The following BTN2A1 variants were observed in gnomAD, a reference collection of about 807,000 sequenced individuals.
BTN2A1 encodes butyrophilin subfamily 2 member A1, also known as butyrophilin, subfamily 2, member A1.
BTN2A1 carries 41 observed loss-of-function variants against 34.5 expected under a neutral mutation model. The observed-to-expected ratio is 1.19, with a 90% confidence interval of 0.93 to 1.54. BTN2A1 has a LOEUF of 1.54. Among genes scored for constraint, BTN2A1 ranks in the 40% most tolerant of loss-of-function variants. The pLI, the probability that BTN2A1 is intolerant of heterozygous loss-of-function variation, is 0.00. For synonymous variants in BTN2A1, 267 were observed against 258.6 expected (o/e 1.03, Z -0.31); for missense variants, 642 against 662.0 (o/e 0.97, Z 0.33).
rs151009559 is a variant in BTN2A1 at position 26,463,021 on chromosome 6, C to G, written c.431-223C>G. 5.9e-4 allele frequency: 555 copies of G among 933,244 alleles called. 2 individuals carry two copies. In the East Asian group the frequency reaches 0.014, roughly 23 times the overall value. The allele number at this position is 933,244 out of a possible 1,614,324, so 57.8% of individuals were successfully genotyped here. On this transcript the variant is annotated intron_variant, in intron 3 of 7. Transcript: ENST00000312541. ...AAAGGGTGCAATGGGATCCTTTCCT[C>G]TTAGAGAGCTCACAGTTTATGTGGC...
At chr6:26,465,476 C>G in intron 5 of BTN2A1, 70 bp downstream of exon 5, 1 of 1,450,224 alleles carries the variant, frequency 6.9e-7, no homozygotes, top group Admixed American at 1.8e-5. Context: ...GCAGGCAGAT[C>G]ACTTGAGCCC....
At chr6:26,476,301 C>G in exon 8 of BTN2A1, 1 of 883,010 alleles carries the variant, frequency 1.1e-6, no homozygotes, top group Admixed American at 2.0e-5. Flanking sequence ...ATCGCTCTCT[C>G]CTGTCTATTC....
At chr6:26,472,855 A>G (rs12213722), downstream of BTN2A1, among the ~76,000 whole-genome samples, 11,169 of 152,240 alleles carry the variant, frequency 0.073, 673 homozygotes, top group Non-Finnish European at 0.099. Flanking sequence ...TGAAGGCAGG[A>G]AAGCTCCCCC....
In BTN2A1 at chr6:26,458,676, T is replaced by A. The variant is rs765094199; in HGVS notation, c.40T>A (p.Ser14Thr). The A allele has an allele frequency of 5.6e-6, 9 of 1,613,304 alleles. No individual in the cohort carries two copies. Among genetic ancestry groups the A allele is most frequent in the Non-Finnish European group, 7.6e-6 (9 of 1,179,586 alleles). The change falls in exon 2 of 8, where the codon TCC becomes ACC. Residue 14 changes from serine to threonine, a missense_variant. Coordinates refer to ENST00000312541, the MANE Select transcript of BTN2A1 (RefSeq NM_007049.5). The part of the protein sequence containing the change: ...AAALHFSRPA[S>T]LLLLLLSLCA... ...TGCCCTGCACTTCTCCCGGCCAGCC[T>A]CCCTCCTCCTCCTCCTCCTCAGCCT...
chr6:26,463,373 C>G lies in BTN2A1; in HGVS notation c.560C>G (p.Pro187Arg), dbSNP rs1337860061. Residue 187 changes from proline (P) to arginine (R), a missense_variant, in exon 4 of 8, where the codon CCT becomes CGT. Transcript: ENST00000312541. Reference protein sequence around the residue: ...VWRDPYGGVAPALKEVSMPDA... With the variant: ...VWRDPYGGVARALKEVSMPDA... Reference sequence around the variant, plus strand: ...AGGGACCCCTACGGTGGGGTTGCGCCTGCCCTGAAAGAGGTCTCCATGCCT... The same window carrying G: ...AGGGACCCCTACGGTGGGGTTGCGCGTGCCCTGAAAGAGGTCTCCATGCCT... The G allele has an allele frequency of 6.2e-7, 1 of 1,614,100 alleles. No homozygotes were observed. The highest frequency in any genetic ancestry group is 1.3e-5 in the African/African-American group (1 of 75,006).
intron 3 of BTN2A1, among the ~76,000 whole-genome samples, chr6:26,460,521 C>T (rs1177271258): frequency 1.3e-5 from 2 of 152,134 alleles, no homozygotes; most frequent in African/African-American, 4.8e-5. Flanking sequence ...AAGCCTTCCA[C>T]ATAAAAATGC....
At chr6:26,474,706 C>A (rs1763508531) in intron 7 of BTN2A1, among the ~76,000 whole-genome samples, 1 of 151,794 alleles carries the variant, frequency 6.6e-6, no homozygotes. Context: ...GAGAAACCTT[C>A]CAACTGCATG....
intron 2 of BTN2A1, among the ~76,000 whole-genome samples, chr6:26,459,260 G>A (rs1763093215): frequency 6.6e-6 from 1 of 152,156 alleles, no homozygotes; most frequent in African/African-American, 2.4e-5. Context: ...CTCAGGGCAG[G>A]TTCCTCAGGG....
At chr6:26,472,098 GTTCTGTCTTTATTTTC>G (rs1488799808), downstream of BTN2A1, among the ~76,000 whole-genome samples, 2 of 152,084 alleles carry the variant, frequency 1.3e-5, no homozygotes, top group Non-Finnish European at 2.9e-5. Flanking sequence ...CCCCAGCTTA[GTTCTGTCTTTATTTTC>G]TTCTGTCTTA....
At position 26,469,440 on chromosome 6, in the gene BTN2A1, G is replaced by A. The variant is rs1255404798; in HGVS notation, c.*891G>A. ...GGGTTAATATTTGTTGGTATTTATGGCATTTGAGATTGAAACTAAGAAATG... is the reference window on the plus strand; with the variant it reads ...GGGTTAATATTTGTTGGTATTTATGACATTTGAGATTGAAACTAAGAAATG... On this transcript the variant is annotated 3_prime_UTR_variant, in exon 8 of 8. Transcript: ENST00000312541. 1 of 660,106 alleles carries A rather than the reference G, an allele frequency of 1.5e-6. No homozygotes were observed. The highest frequency in any genetic ancestry group is 1.9e-6 in the Non-Finnish European group (1 of 533,596). 40.9% of individuals were successfully genotyped at this position (660,106 alleles called of 1,614,324 possible).
At chr6:26,471,129 TACAAATG>T (rs1186233463), downstream of BTN2A1, among the ~76,000 whole-genome samples, 2 of 152,208 alleles carry the variant, frequency 1.3e-5, no homozygotes, top group Non-Finnish European at 2.9e-5. Flanking sequence ...TTACTGAAAT[TACAAATG>T]ACACATTATG....
At chr6:26,463,580 A>T in intron 4 of BTN2A1, 55 bp downstream of exon 4, 1 of 1,565,492 alleles carries the variant, frequency 6.4e-7, no homozygotes, top group Non-Finnish European at 8.7e-7. Context: ...CTCAGCACAC[A>T]GATGGAGCCC....
At position 26,465,901 on chromosome 6, in the gene BTN2A1, ACTT is replaced by A; in HGVS notation, c.935-48_935-46del. The A allele has an allele frequency of 3.1e-6, 5 of 1,613,294 alleles. No homozygotes were observed. In the South Asian group the frequency reaches 5.5e-5, roughly 18 times the overall value. Reference sequence around the variant, plus strand: ...TCCTGCATTGTTTACTAAAAACCCAACTTCTTTTAGTTCTTCTGTCAAAGACAT... The same window carrying A: ...TCCTGCATTGTTTACTAAAAACCCAACTTTTAGTTCTTCTGTCAAAGACAT... On this transcript the variant is annotated intron_variant, in intron 5 of 7. Coordinates refer to ENST00000312541, the MANE Select transcript of BTN2A1 (RefSeq NM_007049.5).
In BTN2A1 at chr6:26,458,894, G is replaced by A. The variant is rs534392309; in HGVS notation, c.82+176G>A. Among the ~76,000 whole-genome samples the A allele has an allele frequency of 5.3e-5, 8 of 152,182 alleles. No individual in the cohort carries two copies. In the South Asian group the frequency reaches 6.2e-4, roughly 12 times the overall value. On this transcript the variant is annotated intron_variant, in intron 2 of 7. Transcript: ENST00000312541. ...AGGAATACAGTGAGGCACAAAGGCC[G>A]AGTGCATGTACAATTGCAAATTTTC...
At chr6:26,465,754 G>A (rs1039754311) in intron 5 of BTN2A1, 199 bp from the exon 6 acceptor site, 2 of 933,730 alleles carry the variant, frequency 2.1e-6, no homozygotes, top group Non-Finnish European at 2.6e-6. Context: ...AAATGGTTGA[G>A]CAAAAGCAAG....
In BTN2A1 at chr6:26,469,292, G is replaced by GATACGGC; in HGVS notation, c.*743_*744insATACGGC. ...GGTCCTGGCTGAGCCAAGGAGTAAT[G>GATACGGC]GACCAGATCTACCTCAGTATTCAAG... On this transcript the variant is annotated 3_prime_UTR_variant, in exon 8 of 8. Coordinates refer to ENST00000312541, the MANE Select transcript of BTN2A1 (RefSeq NM_007049.5). 1.0e-6 allele frequency: 1 copy of GATACGGC among 992,820 alleles called. No individual in the cohort carries two copies. Among genetic ancestry groups the GATACGGC allele is most frequent in the Admixed American group, 5.6e-5 (1 of 17,944 alleles). The allele number at this position is 992,820 out of a possible 1,614,324, so 61.5% of individuals were successfully genotyped here.
intron 3 of BTN2A1, among the ~76,000 whole-genome samples, chr6:26,460,955 G>A (rs1197119579): frequency 1.8e-4 from 27 of 152,210 alleles, no homozygotes; most frequent in Non-Finnish European, 1.5e-5. Context: ...GACTGAAAAA[G>A]CCTTTAAGGT....
chr6:26,473,012 A>G (rs541625902), downstream of BTN2A1, among the ~76,000 whole-genome samples: 4 of 152,370 alleles, frequency 2.6e-5, no homozygotes, highest in East Asian at 7.7e-4. Context: ...AAGTGTGGGT[A>G]TATGGAAAGT....
downstream of BTN2A1, among the ~76,000 whole-genome samples, chr6:26,474,147 C>T (rs1279149938): frequency 2.6e-5 from 4 of 152,120 alleles, no homozygotes; most frequent in Non-Finnish European, 5.9e-5. Context: ...GAACTGCAAC[C>T]TAACTTAGTA....
Sources: allele counts gnomAD v4.1 joint callset (sites outside exome capture counted in the v4.1 genomes callset), GRCh38; gene constraint gnomAD v4.1.1; transcripts MANE v1.5; gene names NCBI Gene and HGNC (gene_info 2026-07-23, HGNC 2026-07-21).